Variants in EYS observed in about 807,000 individuals in gnomAD.
EYS encodes EGF-like photoreceptor maintenance factor, also known as protein eyes shut homolog.
In EYS, 250 loss-of-function variants were observed where a neutral mutation model predicts 282.1. The observed-to-expected ratio is 0.89, with a 90% CI of 0.80 to 0.98. The LOEUF (loss-of-function observed/expected upper bound fraction) is 0.98. Ranked by LOEUF, EYS falls within the 50% of genes least tolerant of loss-of-function variation. The pLI is 0.00. For synonymous variants in EYS, 1,355 were observed against 1,282.9 expected (o/e 1.06, Z -1.20); for missense variants, 4,016 against 3,709.0 (o/e 1.08, Z -2.15).
intron 13 of EYS, among the ~76,000 whole-genome samples, chr6:65,021,476 C>T (rs1003121098): frequency 1.2e-4 from 18 of 152,172 alleles, no homozygotes; most frequent in Admixed American, 1.2e-3. Flanking sequence ...TTGGTCAAAG[C>T]CAATCAACAA....
intron 22 of EYS, among the ~76,000 whole-genome samples, chr6:64,670,456 AC>A (rs1769414782): frequency 6.6e-6 from 1 of 150,914 alleles, no homozygotes; most frequent in Non-Finnish European, 1.5e-5. Flanking sequence ...TGAAAAAAAA[AC>A]GTTAATAGCA....
intron 11 of EYS, among the ~76,000 whole-genome samples, chr6:65,322,443 C>G (rs2150306133): frequency 6.6e-6 from 1 of 152,268 alleles, no homozygotes; most frequent in South Asian, 2.1e-4. Context: ...ACCTCAGAGG[C>G]TCAGCCACTG....
chr6:64,234,543 T>G (rs1203524021), intron 30 of EYS, among the ~76,000 whole-genome samples: 2 of 152,172 alleles, frequency 1.3e-5, no homozygotes, highest in Non-Finnish European at 2.9e-5. Context: ...TTTTCAATAG[T>G]TACATTGAGA....
At chr6:64,725,298 G>GATTC (rs1241137407) in intron 22 of EYS, among the ~76,000 whole-genome samples, 1 of 152,026 alleles carries the variant, frequency 6.6e-6, no homozygotes, top group Non-Finnish European at 1.5e-5. Context: ...AATGACATTT[G>GATTC]ATTCATTCAT....
intron 31 of EYS, among the ~76,000 whole-genome samples, chr6:64,159,376 T>C (rs1021602153): frequency 1.1e-4 from 17 of 151,554 alleles, no homozygotes; most frequent in Non-Finnish European, 1.9e-4. Flanking sequence ...CTGGCTAACA[T>C]GGTGAAACCC....
chr6:64,544,157 G>T (rs1293122153), intron 26 of EYS, among the ~76,000 whole-genome samples: 2 of 152,092 alleles, frequency 1.3e-5, no homozygotes, highest in African/African-American at 4.8e-5. Flanking sequence ...TGCCATTTGG[G>T]TTTCTCAGAC....
intron 32 of EYS, among the ~76,000 whole-genome samples, chr6:64,075,237 A>G (rs1289732799): frequency 6.6e-6 from 1 of 151,962 alleles, no homozygotes; most frequent in Admixed American, 6.6e-5. Flanking sequence ...AGCAACAATG[A>G]TGACATGGGC....
intron 31 of EYS, among the ~76,000 whole-genome samples, chr6:64,116,365 G>A (rs115701421): frequency 0.019 from 2,941 of 152,116 alleles, 83 homozygotes; most frequent in African/African-American, 0.066. Flanking sequence ...TTAAAATACT[G>A]AAAGAAAAAT....
intron 2 of EYS, among the ~76,000 whole-genome samples, chr6:65,498,794 G>T (rs1167082911): frequency 6.6e-6 from 1 of 151,824 alleles, no homozygotes; most frequent in Non-Finnish European, 1.5e-5. Context: ...ATGTAATTTT[G>T]ACCCCAAAGG....
At chr6:64,510,951 A>C (rs1363230299) in intron 26 of EYS, among the ~76,000 whole-genome samples, 1 of 152,050 alleles carries the variant, frequency 6.6e-6, no homozygotes, top group Non-Finnish European at 1.5e-5. Flanking sequence ...TAAGAGATCC[A>C]GACCCCATCC....
chr6:65,501,193 G>A (rs1208360805), intron 2 of EYS, among the ~76,000 whole-genome samples: 2 of 151,818 alleles, frequency 1.3e-5, no homozygotes, highest in African/African-American at 4.8e-5. Flanking sequence ...ATTGACAATA[G>A]TATCACTATA....
chr6:65,099,075 G>A (rs997141333), intron 12 of EYS, among the ~76,000 whole-genome samples: 1 of 150,396 alleles, frequency 6.6e-6, no homozygotes, highest in Admixed American at 6.6e-5. Flanking sequence ...TACAACACCA[G>A]TAAAGAATAT....
chr6:65,488,899 G>T (rs978186976), intron 5 of EYS, among the ~76,000 whole-genome samples: 2 of 152,088 alleles, frequency 1.3e-5, no homozygotes, highest in African/African-American at 4.8e-5. Context: ...TTTAAGAAAT[G>T]GTGTTGGGAA....
intron 1 of EYS, among the ~76,000 whole-genome samples, chr6:65,698,403 T>C (rs1443666531): frequency 2.6e-5 from 4 of 152,148 alleles, no homozygotes; most frequent in Admixed American, 6.5e-5. Flanking sequence ...CCTATATAAT[T>C]AATGCATCGA....
intron 23 of EYS, among the ~76,000 whole-genome samples, chr6:64,619,011 A>T (rs769733735): frequency 5.4e-4 from 83 of 152,302 alleles, no homozygotes; most frequent in Non-Finnish European, 1.0e-3. Context: ...TTGCTTAGAG[A>T]TGCATACATA....
chr6:64,262,182 T>A (rs11965960), intron 30 of EYS, among the ~76,000 whole-genome samples: 4,895 of 152,192 alleles, frequency 0.032, 96 homozygotes, highest in African/African-American at 0.061. Context: ...TTTTGTCATA[T>A]AACACTTCTT....
intron 12 of EYS, among the ~76,000 whole-genome samples, chr6:65,072,805 A>G (rs185472615): frequency 7.1e-4 from 107 of 151,740 alleles, no homozygotes; most frequent in Admixed American, 1.2e-3. Flanking sequence ...ACGTAAGATA[A>G]TTATTTGAAA....
At chr6:65,577,340 AG>A (rs2127357511) in intron 2 of EYS, among the ~76,000 whole-genome samples, 1 of 151,990 alleles carries the variant, frequency 6.6e-6, no homozygotes, top group Admixed American at 6.6e-5. Flanking sequence ...AGGAAATGAC[AG>A]TCTTTAAAAA....
In EYS at chr6:65,332,202, A is replaced by C. The variant is rs79262713; in HGVS notation, c.1766+2778T>G. ...TTATTTGTTGAGTGTTTGTTTCATA[A>C]AGTGTTGTGAGATTCTGTAATACAA... On this transcript the variant is annotated intron_variant, in intron 11 of 42. Transcript: ENST00000503581. 0.01 allele frequency: 5,540 copies of C among 527,762 alleles called. 205 individuals are homozygous for C. The highest frequency in any genetic ancestry group is 0.089 in the African/African-American group (4,600 of 51,962). 32.7% of individuals were successfully genotyped at this position (527,762 alleles called of 1,614,324 possible). A position where few individuals can be genotyped will look rare whatever the true frequency, so the allele number is the denominator to read the frequency against.
Sources: allele counts gnomAD v4.1 joint callset (sites outside exome capture counted in the v4.1 genomes callset), GRCh38; gene constraint gnomAD v4.1.1; transcripts MANE v1.5; gene names NCBI Gene and HGNC (gene_info 2026-07-23, HGNC 2026-07-21).